ZMYND8: variants seen among roughly 807,000 people sequenced by gnomAD.
ZMYND8 encodes zinc finger MYND-type containing 8.
A neutral mutation model predicts 140.8 loss-of-function variants in ZMYND8; 37 were observed. The ratio of observed to expected loss-of-function variants is 0.26; its 90% CI spans 0.20 to 0.35. The LOEUF (loss-of-function observed/expected upper bound fraction) is 0.35. Ranked by LOEUF, ZMYND8 falls within the 10% of genes least tolerant of loss-of-function variation. The pLI, the probability that ZMYND8 is intolerant of heterozygous loss-of-function variation, is 1.00. For missense variants in ZMYND8, 1,068 were observed against 1,570.0 expected (o/e 0.68, Z 5.40); for synonymous variants, 592 against 597.1 (o/e 0.99, Z 0.12).
At chr20:47,288,102 C>T (rs532749901) in intron 7 of ZMYND8, among the ~76,000 whole-genome samples, 12 of 152,156 alleles carry the variant, frequency 7.9e-5, no homozygotes, top group South Asian at 4.2e-4. Flanking sequence ...TTTGTTGACA[C>T]GAAGATTTCA....
chr20:47,305,879 C>T (rs1471486185), intron 3 of ZMYND8, among the ~76,000 whole-genome samples: 1 of 152,124 alleles, frequency 6.6e-6, no homozygotes. Context: ...TCTGTAAAGA[C>T]CCTGACGTCA....
intron 14 of ZMYND8, among the ~76,000 whole-genome samples, chr20:47,245,391 C>T (rs758826342): frequency 2.0e-5 from 3 of 152,204 alleles, no homozygotes; most frequent in African/African-American, 2.4e-5. Flanking sequence ...GGATTACAGG[C>T]GCCTGCTACC....
intron 3 of ZMYND8, among the ~76,000 whole-genome samples, chr20:47,303,891 GCTCTGT>G (rs2078275403): frequency 6.6e-6 from 1 of 152,158 alleles, no homozygotes; most frequent in Non-Finnish European, 1.5e-5. Flanking sequence ...CTGCCTGGCT[GCTCTGT>G]ACTCTTTTCA....
intron 11 of ZMYND8, among the ~76,000 whole-genome samples, chr20:47,271,580 G>C (rs75567341): frequency 6.6e-6 from 1 of 152,174 alleles, no homozygotes; most frequent in Non-Finnish European, 1.5e-5. Flanking sequence ...CCCTGTATTT[G>C]AGCTTTCAGC....
chr20:47,269,466 C>CT (rs1327812676), intron 11 of ZMYND8, among the ~76,000 whole-genome samples: 1 of 152,222 alleles, frequency 6.6e-6, no homozygotes, highest in Non-Finnish European at 1.5e-5. Flanking sequence ...AATTAAAACT[C>CT]TGAAACAGAT....
At chr20:47,315,181 C>A (rs1297148059) in intron 2 of ZMYND8, among the ~76,000 whole-genome samples, 1 of 152,110 alleles carries the variant, frequency 6.6e-6, no homozygotes, top group African/African-American at 2.4e-5. Context: ...ATCACCCAAG[C>A]CCACCAGGAA....
intron 16 of ZMYND8, among the ~76,000 whole-genome samples, chr20:47,234,605 C>A (rs2038970091): frequency 6.6e-6 from 1 of 152,180 alleles, no homozygotes; most frequent in African/African-American, 2.4e-5. Context: ...CCCACACACA[C>A]TGTAGGATAA....
At chr20:47,315,282 C>T (rs1278075713) in intron 2 of ZMYND8, among the ~76,000 whole-genome samples, 1 of 152,154 alleles carries the variant, frequency 6.6e-6, no homozygotes, top group Non-Finnish European at 1.5e-5. Context: ...TATTCCAAAC[C>T]TTCTAGTTTC....
intron 18 of ZMYND8, among the ~76,000 whole-genome samples, chr20:47,225,745 G>A (rs1442972319): frequency 6.6e-6 from 1 of 151,732 alleles, no homozygotes; most frequent in African/African-American, 2.4e-5. Context: ...CTAGGGGTCT[G>A]TAAACCATAG....
chr20:47,344,420 T>C (rs1244042027), intron 2 of ZMYND8, among the ~76,000 whole-genome samples: 1 of 152,092 alleles, frequency 6.6e-6, no homozygotes, highest in Non-Finnish European at 1.5e-5. Flanking sequence ...ATTATACAAA[T>C]CCCAATTGAC....
intron 1 of ZMYND8, 57 bp from the exon 2 acceptor site, chr20:47,347,983 G>GGCA: frequency 6.4e-7 from 1 of 1,566,684 alleles, no homozygotes; most frequent in Non-Finnish European, 8.8e-7. Flanking sequence ...GCCCCATGGG[G>GGCA]GCAGCTATTT....
At chr20:47,355,309 C>G (rs1306308538) in intron 1 of ZMYND8, 1 of 310,166 alleles carries the variant, frequency 3.2e-6, no homozygotes, top group South Asian at 1.3e-4. Flanking sequence ...AAAATCAAGA[C>G]ACTCTTTAAA....
At chr20:47,287,140 C>T in intron 8 of ZMYND8, 89 bp downstream of exon 8, 1 of 1,196,408 alleles carries the variant, frequency 8.4e-7, no homozygotes, top group Non-Finnish European at 1.2e-6. Context: ...ACCTCGGCTA[C>T]CTAATAGGAG....
intron 2 of ZMYND8, among the ~76,000 whole-genome samples, chr20:47,322,547 T>C (rs527330153): frequency 2.3e-4 from 35 of 151,492 alleles, no homozygotes; most frequent in Non-Finnish European, 4.0e-4. Context: ...TTCAAGTGAT[T>C]CCCCTGCCTC....
At chr20:47,340,648 G>A (rs981978655) in intron 2 of ZMYND8, among the ~76,000 whole-genome samples, 1 of 151,960 alleles carries the variant, frequency 6.6e-6, no homozygotes, top group African/African-American at 2.4e-5. Flanking sequence ...TAAAAAATTA[G>A]CTGGGTGTGG....
intron 14 of ZMYND8, 67 bp downstream of exon 14, chr20:47,245,941 A>G: frequency 1.3e-6 from 2 of 1,520,688 alleles, no homozygotes; most frequent in Non-Finnish European, 1.8e-6. Context: ...ATAACTTTTG[A>G]TAGTAAGTGT....
At chr20:47,238,621 G>A in intron 15 of ZMYND8, 137 bp downstream of exon 15, 5 of 1,430,214 alleles carry the variant, frequency 3.5e-6, no homozygotes, top group Non-Finnish European at 4.7e-6. Context: ...CAAATGGAAT[G>A]TGCAAGGCCT....
intron 8 of ZMYND8, among the ~76,000 whole-genome samples, chr20:47,286,716 A>T (rs750883710): frequency 2.0e-5 from 3 of 152,202 alleles, no homozygotes; most frequent in Non-Finnish European, 2.9e-5. Flanking sequence ...CCTGTCCCAC[A>T]ACCACCAGAG....
chr20:47,315,102 T>C (rs758069052), intron 2 of ZMYND8, among the ~76,000 whole-genome samples: 3 of 151,766 alleles, frequency 2.0e-5, no homozygotes, highest in Admixed American at 1.3e-4. Flanking sequence ...CTTAATTTAA[T>C]GAGAAAGTGG....
Sources: gnomAD v4.1 joint callset for allele counts (sites outside exome capture counted in the v4.1 genomes callset) on GRCh38, gnomAD v4.1.1 for gene constraint, MANE v1.5 for transcripts, NCBI Gene and HGNC (gene_info 2026-07-23, HGNC 2026-07-21) for gene names.